The following INTS6 variants were observed in gnomAD, a reference collection of about 807,000 sequenced individuals.
The protein encoded by INTS6 is integrator complex subunit 6.
Under a neutral mutation model 104.9 loss-of-function variants are expected in INTS6, and 16 were observed. The ratio of observed to expected loss-of-function variants is 0.15; its 90% CI spans 0.10 to 0.23. The LOEUF (loss-of-function observed/expected upper bound fraction) is 0.23. Among genes scored for constraint, INTS6 ranks in the 10% least tolerant of loss-of-function variants. The pLI is 1.00. For synonymous variants in INTS6, 324 were observed against 358.7 expected (o/e 0.90, Z 1.09); for missense variants, 584 against 1,062.8 (o/e 0.55, Z 6.26).
intron 4 of INTS6, among the ~76,000 whole-genome samples, chr13:51,405,321 A>T (rs1246920755): frequency 6.6e-6 from 1 of 152,176 alleles, no homozygotes; most frequent in East Asian, 1.9e-4. Flanking sequence ...AGATAGAGAA[A>T]TAACGTCCAG....
At chr13:51,423,085 C>A (rs1008321944) in intron 4 of INTS6, 4 of 1,279,178 alleles carry the variant, frequency 3.1e-6, no homozygotes, top group Admixed American at 4.7e-5. Flanking sequence ...TGTGTGTCCC[C>A]AGTACCTAGA....
chr13:51,423,426 C>T (rs1401131880), intron 4 of INTS6, among the ~76,000 whole-genome samples: 1 of 151,912 alleles, frequency 6.6e-6, no homozygotes, highest in Non-Finnish European at 1.5e-5. Flanking sequence ...ACTATACCAT[C>T]CTTTGGATAA....
intron 4 of INTS6, among the ~76,000 whole-genome samples, chr13:51,395,944 C>T (rs1341964615): frequency 7.9e-5 from 12 of 152,008 alleles, no homozygotes; most frequent in Admixed American, 2.0e-4. Context: ...ATTACAGGTA[C>T]GCAACACCAC....
chr13:51,361,761 C>T lies in INTS6; in HGVS notation c.*3991G>A. On this transcript the variant is annotated 3_prime_UTR_variant, in exon 18 of 18. Coordinates refer to ENST00000311234, the MANE Select transcript of INTS6 (RefSeq NM_012141.3). ...TTACTTCATAACCAATAGTTATTTTCTTAAAAATGCACAGAAAATGCAATG... is the reference window on the plus strand; with the variant it reads ...TTACTTCATAACCAATAGTTATTTTTTTAAAAATGCACAGAAAATGCAATG... 6.7e-7 allele frequency: 1 copy of T among 1,500,206 alleles called. No individual in the cohort carries two copies. Among genetic ancestry groups the T allele is most frequent in the South Asian group, 1.3e-5 (1 of 79,428 alleles). 92.9% of individuals were successfully genotyped at this position (1,500,206 alleles called of 1,614,324 possible).
Position 51,364,248 on chromosome 13 carries a change from T to C in INTS6, c.*1504A>G. 1 of 1,458,922 alleles carries C rather than the reference T, an allele frequency of 6.9e-7. No individual in the cohort carries two copies. The highest frequency in any genetic ancestry group is 9.2e-7 in the Non-Finnish European group (1 of 1,086,400). The allele number at this position is 1,458,922 out of a possible 1,614,324, so 90.4% of individuals were successfully genotyped here. A position where few individuals can be genotyped will look rare whatever the true frequency, so the allele number is the denominator to read the frequency against. ...TTCTTTTTCTTGACAGGGTTTGTCT[T>C]CAGTATTGGGAGAGTTTCAAATCCC... On this transcript the variant is annotated 3_prime_UTR_variant, in exon 18 of 18. Coordinates refer to ENST00000311234, the MANE Select transcript of INTS6 (RefSeq NM_012141.3).
At chr13:51,406,991 CT>C (rs1956581663) in intron 4 of INTS6, among the ~76,000 whole-genome samples, 1 of 151,320 alleles carries the variant, frequency 6.6e-6, no homozygotes, top group African/African-American at 2.4e-5. Context: ...CAATGTGCCC[CT>C]GGGAAGCCAA....
intron 5 of INTS6, among the ~76,000 whole-genome samples, chr13:51,393,985 C>T (rs74084838): frequency 0.011 from 1,726 of 151,776 alleles, 38 homozygotes; most frequent in African/African-American, 0.039. Flanking sequence ...AATGTTATAG[C>T]CTCCAAGCCT....
At chr13:51,448,493 CCTTA>C (rs1328596278) in intron 3 of INTS6, 1 of 152,174 alleles carries the variant, frequency 6.6e-6, no homozygotes, top group Non-Finnish European at 1.5e-5. Context: ...AGTTACTTAA[CCTTA>C]CTAATGCCCT....
chr13:51,424,706 A>G (rs1956957258), intron 4 of INTS6, among the ~76,000 whole-genome samples: 1 of 152,048 alleles, frequency 6.6e-6, no homozygotes, highest in Admixed American at 6.6e-5. Context: ...TGAATCGCAA[A>G]TCAGTAAGAC....
In INTS6 at chr13:51,431,374, T is replaced by G. The variant is rs189181079; in HGVS notation, c.340-991A>C. On this transcript the variant is annotated intron_variant, in intron 3 of 17. Transcript: ENST00000311234. ...ATTTCTTAATGTGCATATGAGCCAC[T>G]TGGAGATCTTAAAATGCAATTTCTG... Among the ~76,000 whole-genome samples, 14 of 152,302 alleles carry G rather than the reference T, an allele frequency of 9.2e-5. No homozygotes were observed. The East Asian group carries it at 2.7e-3, about 29-fold the overall frequency.
downstream of INTS6, among the ~76,000 whole-genome samples, chr13:51,352,491 A>AGGTT (rs1955415144): frequency 1.3e-5 from 2 of 150,548 alleles, no homozygotes; most frequent in Non-Finnish European, 3.0e-5. Context: ...GTGTGTGTGG[A>AGGTT]TTCTTTAGGG....
intron 4 of INTS6, among the ~76,000 whole-genome samples, chr13:51,424,994 T>G (rs1396026507): frequency 1.3e-5 from 2 of 152,032 alleles, no homozygotes; most frequent in Admixed American, 6.6e-5. Flanking sequence ...GCAAATATTT[T>G]TAGTGATTTT....
In INTS6 at chr13:51,369,091, T is replaced by C. The variant is rs763679941; in HGVS notation, c.2324A>G (p.Glu775Gly). The C allele has an allele frequency of 2.5e-6, 4 of 1,613,892 alleles. No individual in the cohort carries two copies. The highest frequency in any genetic ancestry group is 3.4e-6 in the Non-Finnish European group (4 of 1,179,840). The change falls in exon 16 of 18, where the codon GAG becomes GGG. Residue 775 changes from glutamate to glycine, a missense_variant. Physicochemically the swap from Glu to Gly is moderately conservative, Grantham distance 98. This residue lies in a region of INTS6 where 296 missense variants were observed against 437.0 expected (regional missense o/e 0.68). Transcript: ENST00000311234. ...LTVGGFLENHEEPRDKEQCAE... is the reference protein window; with the variant it reads ...LTVGGFLENHGEPRDKEQCAE... ...ACATTGTTCTTTATCTCTTGGCTCC[T>C]CATGATTTTCTAAAAATCCACCAAC...
Position 51,361,687 on chromosome 13 carries a change from G to T in INTS6, c.*4065C>A. On this transcript the variant is annotated 3_prime_UTR_variant, in exon 18 of 18. Coordinates refer to ENST00000311234, the MANE Select transcript of INTS6 (RefSeq NM_012141.3). ...TCCCATCTGCACCCCCATCACAACAGTAAACAATCAAATGCCATTAGGATG... is the reference window on the plus strand; with the variant it reads ...TCCCATCTGCACCCCCATCACAACATTAAACAATCAAATGCCATTAGGATG... 1.2e-6 allele frequency: 1 copy of T among 863,352 alleles called. No individual in the cohort carries two copies. Among genetic ancestry groups the T allele is most frequent in the Middle Eastern group, 3.5e-4 (1 of 2,852 alleles). The allele number at this position is 863,352 out of a possible 1,614,324, so 53.5% of individuals were successfully genotyped here.
In INTS6 at chr13:51,364,514, A is replaced by G. The variant is rs1955648114; in HGVS notation, c.*1238T>C. On this transcript the variant is annotated 3_prime_UTR_variant, in exon 18 of 18. Transcript: ENST00000311234. ...TTTTCTACTGCTTACCCCCCAAACC[A>G]CTAAAAGGCACAGCAGTGATCATGA... 2.4e-6 allele frequency: 1 copy of G among 421,754 alleles called. No individual in the cohort carries two copies. The highest frequency in any genetic ancestry group is 4.2e-6 in the Non-Finnish European group (1 of 237,556). The allele number at this position is 421,754 out of a possible 1,614,324, so 26.1% of individuals were successfully genotyped here.
intron 5 of INTS6, among the ~76,000 whole-genome samples, chr13:51,394,061 G>A (rs1043872471): frequency 1.3e-5 from 2 of 151,510 alleles, no homozygotes; most frequent in Non-Finnish European, 2.9e-5. Flanking sequence ...TTTTAACAAG[G>A]GTGCCAGTTC....
chr13:51,432,498 A>ATG (rs952256134), intron 3 of INTS6, among the ~76,000 whole-genome samples: 120 of 151,786 alleles, frequency 7.9e-4, no homozygotes, highest in African/African-American at 2.9e-3. Flanking sequence ...CTATTTTTTC[A>ATG]TGTGTTTGAA....
chr13:51,428,619 C>T (rs936033676), intron 4 of INTS6, among the ~76,000 whole-genome samples: 6 of 152,158 alleles, frequency 3.9e-5, no homozygotes, highest in Middle Eastern at 3.4e-3. Context: ...CCACCACGCC[C>T]GGCTAAAATG....
At chr13:51,423,620 T>C (rs1437814560) in intron 4 of INTS6, among the ~76,000 whole-genome samples, 1 of 152,032 alleles carries the variant, frequency 6.6e-6, no homozygotes, top group East Asian at 1.9e-4. Context: ...ATTCAATAAC[T>C]TATTCTAAAA....
Sources: gnomAD v4.1 joint callset for allele counts (sites outside exome capture counted in the v4.1 genomes callset) on GRCh38, gnomAD v4.1.1 for gene constraint, gnomAD v4.1.1 regional missense constraint, MANE v1.5 for transcripts, NCBI Gene and HGNC (gene_info 2026-07-23, HGNC 2026-07-21) for gene names.